CDK19: variants seen among roughly 807,000 people sequenced by gnomAD.
CDK19 encodes cyclin-dependent kinase 19.
CDK19 carries 20 observed loss-of-function variants against 68.3 expected under a neutral mutation model. The observed-to-expected ratio is 0.29, with a 90% CI of 0.21 to 0.43. CDK19 has a LOEUF of 0.43. Ranked by LOEUF, CDK19 falls within the 20% of genes least tolerant of loss-of-function variation. The pLI is 1.00. For synonymous variants in CDK19, 221 were observed against 222.8 expected, an observed-to-expected ratio of 0.99 and a Z score of 0.07; for missense variants, 339 against 623.5, an observed-to-expected ratio of 0.54 and a Z score of 4.86.
chr6:110,742,580 T>C (rs1347098829), intron 2 of CDK19, among the ~76,000 whole-genome samples: 2 of 152,188 alleles, frequency 1.3e-5, no homozygotes, highest in Non-Finnish European at 2.9e-5. Context: ...AGGAGAGATA[T>C]TGCTGAAATC....
intron 1 of CDK19, among the ~76,000 whole-genome samples, chr6:110,772,089 G>GT (rs1271750122): frequency 6.6e-6 from 1 of 152,126 alleles, no homozygotes; most frequent in South Asian, 2.1e-4. Flanking sequence ...ACATTTTCAG[G>GT]TATCTTTTCA....
chr6:110,782,035 T>C lies in CDK19; in HGVS notation c.128+32974A>G, dbSNP rs773959825. 3.8e-4 allele frequency among the ~76,000 whole-genome samples: 58 copies of C among 152,118 alleles called. 2 individuals carry two copies. The highest frequency in any genetic ancestry group is 1.0e-4 in the Non-Finnish European group (7 of 68,030). ...AATTACACACCAAAACAGAAGCAAC[T>C]TCTCAAAGAAATCTGCTATACTCAA... On this transcript the variant is annotated intron_variant, in intron 1 of 12. Coordinates refer to ENST00000368911, the MANE Select transcript of CDK19 (RefSeq NM_015076.5).
chr6:110,699,707 C>T lies in CDK19; in HGVS notation c.205-29166G>A, dbSNP rs1037010188. 5.3e-5 allele frequency among the ~76,000 whole-genome samples: 8 copies of T among 152,054 alleles called. No individual in the cohort carries two copies. The East Asian group carries it at 1.5e-3, about 29-fold the overall frequency. ...CCATGTAACCAAAAACTACTTGTAC[C>T]CCACAAGCTATTCAAATTTTTAAAA... On this transcript the variant is annotated intron_variant, in intron 2 of 12. Transcript: ENST00000368911.
chr6:110,757,513 A>G (rs1778916735), intron 1 of CDK19, among the ~76,000 whole-genome samples: 1 of 152,222 alleles, frequency 6.6e-6, no homozygotes, highest in Admixed American at 6.5e-5. Context: ...ACCTGGGGAA[A>G]TTTAATTATG....
At chr6:110,644,911 A>G (rs922906256) in intron 4 of CDK19, among the ~76,000 whole-genome samples, 10 of 152,232 alleles carry the variant, frequency 6.6e-5, no homozygotes, top group African/African-American at 2.4e-4. Context: ...ATAATGATAC[A>G]AAGTTCAATT....
In CDK19 at chr6:110,622,099, T is replaced by C; in HGVS notation, c.1099A>G (p.Lys367Glu). The change falls in exon 11 of 13, where the codon AAA (lysine) becomes GAA (glutamate). Residue 367 changes from lysine to glutamate, a missense_variant. Physicochemically the swap from Lys to Glu is moderately conservative, Grantham distance 56 (BLOSUM62 1). This residue lies in a region of CDK19 where 155 missense variants were observed against 222.7 expected (regional missense o/e 0.70). Transcript: ENST00000368911. ...CGTGCAGTTTATACCTTGTCACCTTTTTCTTCAGGATCATCTTCATTAAGG... is the reference window on the plus strand; with the variant it reads ...CGTGCAGTTTATACCTTGTCACCTTCTTCTTCAGGATCATCTTCATTAAGG... ...EFLNEDDPEE[K>E]GDKNQQQQQN... 6.2e-7 allele frequency: 1 copy of C among 1,610,988 alleles called. No homozygotes were observed. Among genetic ancestry groups the C allele is most frequent in the Non-Finnish European group, 8.5e-7 (1 of 1,177,712 alleles).
intron 2 of CDK19, among the ~76,000 whole-genome samples, chr6:110,725,133 C>T (rs1776230177): frequency 6.6e-6 from 1 of 152,094 alleles, no homozygotes; most frequent in Non-Finnish European, 1.5e-5. Context: ...CTCTAATCTC[C>T]ATAAAATATA....
intron 2 of CDK19, among the ~76,000 whole-genome samples, chr6:110,713,903 C>T (rs2114704558): frequency 1.3e-5 from 2 of 152,200 alleles, no homozygotes; most frequent in South Asian, 4.1e-4. Flanking sequence ...TTAAAGAAAA[C>T]CTTACTGAGT....
intron 2 of CDK19, among the ~76,000 whole-genome samples, chr6:110,707,696 C>T (rs1349291585): frequency 6.6e-6 from 1 of 152,152 alleles, no homozygotes; most frequent in African/African-American, 2.4e-5. Flanking sequence ...TTCAGCCAGG[C>T]GCAGCAGCTC....
At chr6:110,801,563 G>C (rs535605673) in intron 1 of CDK19, among the ~76,000 whole-genome samples, 1 of 152,122 alleles carries the variant, frequency 6.6e-6, no homozygotes, top group Non-Finnish European at 1.5e-5. Context: ...CCAAGCTAGA[G>C]TGCAGTGGCG....
chr6:110,642,796 G>A (rs781436171), intron 4 of CDK19, among the ~76,000 whole-genome samples: 5 of 151,904 alleles, frequency 3.3e-5, no homozygotes, highest in African/African-American at 7.3e-5. Flanking sequence ...GAGGGGAGGG[G>A]AGGGGAGGAG....
At chr6:110,690,475 A>G (rs1772888631) in intron 2 of CDK19, among the ~76,000 whole-genome samples, 1 of 152,136 alleles carries the variant, frequency 6.6e-6, no homozygotes, top group African/African-American at 2.4e-5. Context: ...CAAGGCTGTG[A>G]CTTCTGCCCA....
intron 4 of CDK19, among the ~76,000 whole-genome samples, chr6:110,646,910 G>A (rs1225921282): frequency 3.9e-5 from 6 of 151,988 alleles, no homozygotes; most frequent in Admixed American, 2.6e-4. Context: ...GCCTCGGGCC[G>A]CGTGACCGCC....
chr6:110,717,223 T>C (rs1775475386), intron 2 of CDK19, among the ~76,000 whole-genome samples: 2 of 86,080 alleles, frequency 2.3e-5, no homozygotes, highest in Admixed American at 1.8e-4. Context: ...TATATATCTA[T>C]ATATCACATA....
chr6:110,646,536 A>C, intron 4 of CDK19: 1 of 1,239,316 alleles, frequency 8.1e-7, no homozygotes. Context: ...CTCCACCTGC[A>C]ACAGGTGCTT....
intron 1 of CDK19, among the ~76,000 whole-genome samples, chr6:110,792,383 CTAATA>C (rs748899106): frequency 1.2e-4 from 18 of 151,864 alleles, no homozygotes; most frequent in East Asian, 7.8e-4. Flanking sequence ...TTTTTCTTTC[CTAATA>C]TAATAAACTT....
intron 1 of CDK19, among the ~76,000 whole-genome samples, chr6:110,781,952 A>G (rs537208453): frequency 2.9e-4 from 44 of 152,182 alleles, no homozygotes; most frequent in African/African-American, 1.0e-3. Flanking sequence ...CCAATTCCCC[A>G]GAATAAAATT....
In CDK19 at chr6:110,814,799, C is replaced by A. The variant is rs1212892067; in HGVS notation, c.128+210G>T. ...GGGACCGACGCCTCGGACCGGGCTG[C>A]GCCGCGGGAGTTCGAGGTACGCGAC... On this transcript the variant is annotated intron_variant, in intron 1 of 12. Coordinates refer to ENST00000368911, the MANE Select transcript of CDK19 (RefSeq NM_015076.5). 2.5e-5 allele frequency: 17 copies of A among 693,734 alleles called. No individual in the cohort carries two copies. The East Asian group carries it at 5.1e-4, about 21-fold the overall frequency. 43.0% of individuals were successfully genotyped at this position (693,734 alleles called of 1,614,324 possible). A position where few individuals can be genotyped will look rare whatever the true frequency, so the allele number is the denominator to read the frequency against.
intron 2 of CDK19, among the ~76,000 whole-genome samples, chr6:110,686,151 G>A (rs933712554): frequency 1.3e-5 from 2 of 152,168 alleles, no homozygotes; most frequent in African/African-American, 4.8e-5. Flanking sequence ...TGAGAGCCTT[G>A]GGGACTTTAC....
Sources: gnomAD v4.1 joint callset for allele counts (sites outside exome capture counted in the v4.1 genomes callset) on GRCh38, gnomAD v4.1.1 for gene constraint, gnomAD v4.1.1 regional missense constraint, MANE v1.5 for transcripts, NCBI Gene and HGNC (gene_info 2026-07-23, HGNC 2026-07-21) for gene names.